Variants in TFRC observed in about 807,000 individuals in gnomAD.
TFRC encodes transferrin receptor protein 1.
Under a neutral mutation model 85.8 loss-of-function variants are expected in TFRC, and 35 were observed. That is an observed-to-expected ratio of 0.41 (90% CI 0.31 to 0.54). TFRC has a LOEUF of 0.54. Ranked by LOEUF, TFRC falls within the 20% of genes least tolerant of loss-of-function variation. The probability of loss-of-function intolerance (pLI) is 0.31; values close to 1 mark genes in which losing one functional copy is unlikely to be tolerated. For missense variants in TFRC, 828 were observed against 921.5 expected, an observed-to-expected ratio of 0.90 and a Z score of 1.31; for synonymous variants, 362 against 328.6, an observed-to-expected ratio of 1.10 and a Z score of -1.10.
Position 196,075,245 on chromosome 3 carries a change from T to C in TFRC, c.152A>G (p.Asn51Ser). 6.2e-7 allele frequency: 1 copy of C among 1,614,112 alleles called. No homozygotes were observed. Among genetic ancestry groups the C allele is most frequent in the Non-Finnish European group, 8.5e-7 (1 of 1,180,022 alleles). The change falls in exon 3 of 19, where the codon AAC becomes AGC. Residue 51 changes from asparagine (N) to serine (S), a missense_variant. By Grantham distance (46) the Asn-to-Ser change is conservative. Transcript: ENST00000360110. ...TGGTTTTGTGACATTGGCCTTTGTGTTATTGTCAGCATTTTCTTCTTCATC... is the reference window on the plus strand; with the variant it reads ...TGGTTTTGTGACATTGGCCTTTGTGCTATTGTCAGCATTTTCTTCTTCATC... ...AVDEEENADN[N>S]TKANVTKPKR...
intron 11 of TFRC, 103 bp downstream of exon 11, chr3:196,064,206 A>T (rs753404516): frequency 1.1e-5 from 14 of 1,267,296 alleles, no homozygotes; most frequent in Admixed American, 2.8e-5. Flanking sequence ...AGAGTCTAGC[A>T]TGAGAACCAC....
Position 196,052,038 on chromosome 3 carries a change from C to T in TFRC, c.2187G>A (p.Thr729=), listed in dbSNP as rs776066581. ...RKQNNGAFNE[T]LFRNQLALAT... ...CTAGAGCCAACTGGTTTCTGAACAG[C>T]GTTTCATTAAAAGCACCGTTATTTT... is the stretch of plus-strand genomic sequence containing the variant. Residue 729 remains threonine (T), a synonymous_variant, in exon 19 of 19, where the codon ACG becomes ACA. Coordinates refer to ENST00000360110, the MANE Select transcript of TFRC (RefSeq NM_001128148.3). The T allele has an allele frequency of 6.8e-6, 11 of 1,614,010 alleles. No individual in the cohort carries two copies. The highest frequency in any genetic ancestry group is 1.6e-4 in the Middle Eastern group (1 of 6,084).
At chr3:196,071,314 T>A (rs1718182145) in intron 6 of TFRC, 82 bp downstream of exon 6, 1 of 1,356,062 alleles carries the variant, frequency 7.4e-7, no homozygotes, top group African/African-American at 1.4e-5. Flanking sequence ...TACAGGTAAA[T>A]TTATAACTCC....
chr3:196,081,653 A>G (rs964264003), intron 1 of TFRC, among the ~76,000 whole-genome samples: 3 of 152,208 alleles, frequency 2.0e-5, no homozygotes, highest in Non-Finnish European at 4.4e-5. Context: ...GCGGCCTTCA[A>G]GGGCGAGGAC....
intron 6 of TFRC, among the ~76,000 whole-genome samples, chr3:196,069,999 T>C (rs749015324): frequency 6.6e-6 from 1 of 152,188 alleles, no homozygotes; most frequent in Non-Finnish European, 1.5e-5. Flanking sequence ...ACTTTAGATG[T>C]GTCATGATGT....
chr3:196,065,417 CGGGGGGG>C lies in TFRC; in HGVS notation c.1198+19_1198+25del, dbSNP rs55639089. 7.5e-5 allele frequency: 28 copies of C among 372,008 alleles called. 2 individuals are homozygous for C. Among genetic ancestry groups the C allele is most frequent in the Admixed American group, 1.5e-4 (1 of 6,780 alleles). 23.0% of individuals were successfully genotyped at this position (372,008 alleles called of 1,614,324 possible). Reference sequence around the variant, plus strand: ...AAAAGAAAACAAAAAAAAAGCGGGGCGGGGGGGGGGGGGGGCGGTCTTTACCTGGTTC... The same window carrying C: ...AAAAGAAAACAAAAAAAAAGCGGGGCGGGGGGGGCGGTCTTTACCTGGTTC... On this transcript the variant is annotated intron_variant, in intron 10 of 18. Transcript: ENST00000360110.
In TFRC at chr3:196,065,619, CG is replaced by C. The variant is rs748588033; in HGVS notation, c.1041-20del. 3.0e-5 allele frequency: 48 copies of C among 1,586,616 alleles called. No individual in the cohort carries two copies. The South Asian group carries it at 4.9e-4, about 16-fold the overall frequency. ...CATATTCCTAGAATCAGAAAGCAGG[CG>C]TAAGTTCTGAGTTATTGTTCCTTGC... On this transcript the variant is annotated intron_variant, in intron 9 of 18. Coordinates refer to ENST00000360110, the MANE Select transcript of TFRC (RefSeq NM_001128148.3).
In TFRC at chr3:196,078,628, G is replaced by C. The variant is rs527678350; in HGVS notation, c.-23-1506C>G. Among the ~76,000 whole-genome samples the C allele has an allele frequency of 8.6e-5, 13 of 152,028 alleles. No homozygotes were observed. In the East Asian group the frequency reaches 2.1e-3, roughly 25 times the overall value. ...GCCGAGATGGCACCACTGCACTCCA[G>C]CCTGGGTGACGGAGTGAAACTCCAT... On this transcript the variant is annotated intron_variant, in intron 1 of 18. Coordinates refer to ENST00000360110, the MANE Select transcript of TFRC (RefSeq NM_001128148.3).
intron 4 of TFRC, among the ~76,000 whole-genome samples, 156 bp from the exon 5 acceptor site, chr3:196,072,308 A>G (rs996810023): frequency 2.0e-5 from 3 of 152,218 alleles, no homozygotes; most frequent in African/African-American, 7.2e-5. Flanking sequence ...CCAGAATATC[A>G]CAAAAGAAAA....
At chr3:196,080,712 C>A (rs1197167398) in intron 1 of TFRC, among the ~76,000 whole-genome samples, 1 of 152,156 alleles carries the variant, frequency 6.6e-6, no homozygotes, top group Non-Finnish European at 1.5e-5. Context: ...GCCACCATTA[C>A]TTGATAAGAA....
chr3:196,067,569 G>A lies in TFRC; in HGVS notation c.989C>T (p.Pro330Leu), dbSNP rs1170131074. The change falls in exon 9 of 19, where the codon CCT becomes CTT. Residue 330 changes from proline (P) to leucine (L), a missense_variant. Transcript: ENST00000360110. ...QFPPSRSSGL[P>L]NIPVQTISRA... Reference sequence around the variant, plus strand: ...GGAGATTGTCTGGACAGGTATATTAGGCAATCCTGATGACCGAGATGGTGG... The same window carrying A: ...GGAGATTGTCTGGACAGGTATATTAAGCAATCCTGATGACCGAGATGGTGG... 2.5e-6 allele frequency: 4 copies of A among 1,614,132 alleles called. No individual in the cohort carries two copies. The South Asian group carries it at 4.4e-5, about 18-fold the overall frequency.
intron 14 of TFRC, among the ~76,000 whole-genome samples, chr3:196,059,317 C>A (rs1717080042): frequency 6.6e-6 from 1 of 152,070 alleles, no homozygotes; most frequent in African/African-American, 2.4e-5. Flanking sequence ...GAGGAAGACT[C>A]CATCTCAAAA....
chr3:196,074,685 C>T (rs1337366360), intron 3 of TFRC, among the ~76,000 whole-genome samples: 1 of 151,966 alleles, frequency 6.6e-6, no homozygotes, highest in African/African-American at 2.4e-5. Context: ...TAGAGACCAG[C>T]CTGACCAACA....
chr3:196,070,265 A>AT (rs35819676), intron 6 of TFRC, among the ~76,000 whole-genome samples: 6,806 of 143,078 alleles, frequency 0.048, 531 homozygotes, highest in African/African-American at 0.16. Context: ...TACAAATGTG[A>AT]TTTTTTTTTT....
At chr3:196,065,037 C>A (rs1307439510) in intron 10 of TFRC, among the ~76,000 whole-genome samples, 1 of 152,002 alleles carries the variant, frequency 6.6e-6, no homozygotes, top group Non-Finnish European at 1.5e-5. Context: ...GGAGGCAGAT[C>A]ACCTGAGGTC....
At chr3:196,071,910 A>G in intron 5 of TFRC, 93 bp downstream of exon 5, 2 of 1,419,158 alleles carry the variant, frequency 1.4e-6, no homozygotes, top group South Asian at 2.8e-5. Context: ...TTTCAAAAAA[A>G]AGCCAACAAC....
At chr3:196,069,103 C>T (rs2108650572) in intron 7 of TFRC, among the ~76,000 whole-genome samples, 1 of 152,116 alleles carries the variant, frequency 6.6e-6, no homozygotes, top group East Asian at 1.9e-4. Context: ...GGTGTGAGCC[C>T]TGCCACTTTT....
chr3:196,070,336 C>T (rs1718084319), intron 6 of TFRC, among the ~76,000 whole-genome samples: 1 of 151,354 alleles, frequency 6.6e-6, no homozygotes, highest in South Asian at 2.1e-4. Flanking sequence ...GCAATATCCG[C>T]TCACTGCAAC....
rs757540110 is a variant in TFRC at position 196,073,980 on chromosome 3, C to T, written c.384G>A (p.Lys128=). Reference sequence around the variant, plus strand: ...TGTCCAGTTTCTCCGACAACTTTCTCTTCAGGTCATCCCAATATAAGCGAC... The same window carrying T: ...TGTCCAGTTTCTCCGACAACTTTCTTTTCAGGTCATCCCAATATAAGCGAC... ...AARRLYWDDL[K]RKLSEKLDST... The change falls in exon 4 of 19, where the codon AAG becomes AAA. Residue 128 remains lysine (K), a synonymous_variant. Coordinates refer to ENST00000360110, the MANE Select transcript of TFRC (RefSeq NM_001128148.3). The T allele has an allele frequency of 2.5e-6, 4 of 1,614,190 alleles. No individual in the cohort carries two copies. The highest frequency in any genetic ancestry group is 3.4e-6 in the Non-Finnish European group (4 of 1,180,044).
Sources: gnomAD v4.1 joint callset for allele counts (sites outside exome capture counted in the v4.1 genomes callset) on GRCh38, gnomAD v4.1.1 for gene constraint, MANE v1.5 for transcripts, NCBI Gene and HGNC (gene_info 2026-07-23, HGNC 2026-07-21) for gene names.